ZPR1: variants seen among roughly 807,000 people sequenced by gnomAD.
ZPR1 encodes the protein zinc finger protein ZPR1.
A neutral mutation model predicts 59.6 loss-of-function variants in ZPR1; 37 were observed. That is an observed-to-expected ratio of 0.62 (90% CI 0.48 to 0.82). The LOEUF (loss-of-function observed/expected upper bound fraction) is 0.82. ZPR1 is among the 40% of genes least tolerant of loss of function. The pLI, the probability that ZPR1 is intolerant of heterozygous loss-of-function variation, is 0.00. For missense variants in ZPR1, 527 were observed against 579.9 expected (o/e 0.91, Z 0.94); for synonymous variants, 191 against 215.2 (o/e 0.89, Z 0.99).
chr11:116,787,731 G>C, intron 1 of ZPR1, 88 bp from the exon 2 acceptor site: 1 of 1,529,012 alleles, frequency 6.5e-7, no homozygotes, highest in Non-Finnish European at 8.8e-7. Context: ...CGGGGTCCCC[G>C]GCCGGGCCCA....
intron 11 of ZPR1, among the ~76,000 whole-genome samples, chr11:116,782,604 A>G (rs542944714): frequency 4.7e-4 from 71 of 152,182 alleles, no homozygotes; most frequent in Non-Finnish European, 7.9e-4. Context: ...CAACCCATAC[A>G]TGTATGTTTT....
chr11:116,779,621 C>G, intron 13 of ZPR1, 151 bp downstream of exon 13: 1 of 532,940 alleles, frequency 1.9e-6, no homozygotes, highest in South Asian at 3.6e-5. Flanking sequence ...ACACCCCCCT[C>G]TTTTCTCCCT....
intron 2 of ZPR1, 54 bp downstream of exon 2, chr11:116,787,428 C>T: frequency 6.3e-7 from 1 of 1,576,060 alleles, no homozygotes. Context: ...GCTCTGACCC[C>T]AGTACCGAAT....
intron 4 of ZPR1, 136 bp downstream of exon 4, chr11:116,786,375 A>T (rs1003802141): frequency 1.3e-5 from 11 of 873,880 alleles, no homozygotes; most frequent in Admixed American, 9.0e-5. Context: ...CATATGCAAC[A>T]TTCTAGCAGC....
chr11:116,787,099 G>A, intron 2 of ZPR1, 40 bp from the exon 3 acceptor site: 1 of 1,544,840 alleles, frequency 6.5e-7, no homozygotes, highest in Non-Finnish European at 9.0e-7. Context: ...AGAGACTGCA[G>A]AACAGCTTCT....
intron 12 of ZPR1, among the ~76,000 whole-genome samples, chr11:116,780,554 T>G (rs1456364587): frequency 6.6e-6 from 1 of 151,862 alleles, no homozygotes; most frequent in East Asian, 2.0e-4. Flanking sequence ...TCCTTTCCCC[T>G]CTACTTTCAG....
Position 116,784,955 on chromosome 11 carries a change from T to C in ZPR1, c.754-34A>G, listed in dbSNP as rs1387286274. 3.1e-6 allele frequency: 5 copies of C among 1,613,178 alleles called. No homozygotes were observed. The Admixed American group carries it at 8.3e-5, about 27-fold the overall frequency. On this transcript the variant is annotated intron_variant, in intron 7 of 13. Coordinates refer to ENST00000227322, the MANE Select transcript of ZPR1 (RefSeq NM_003904.5). ...CAACATGAGGACAAAGGGTGAGCCC[T>C]CCCAGATGGGATGTTCAGGCTAAAG...
At chr11:116,786,676 T>C in intron 3 of ZPR1, 95 bp from the exon 4 acceptor site, 2 of 1,079,030 alleles carry the variant, frequency 1.9e-6, no homozygotes, top group Non-Finnish European at 2.8e-6. Flanking sequence ...ACTCTCTGGG[T>C]CTTAATTTCC....
chr11:116,783,527 T>TA lies in ZPR1; in HGVS notation c.981+2dup. Reference sequence around the variant, plus strand: ...ACAGTGACTTTCCCAAGCAGACTGTTACCTTGAGGAGGTCTCTGGTCATAT... The same window carrying TA: ...ACAGTGACTTTCCCAAGCAGACTGTTAACCTTGAGGAGGTCTCTGGTCATAT... On this transcript the variant is annotated splice_region_variant and intron_variant, in intron 10 of 13. Transcript: ENST00000227322. 1 of 1,613,142 alleles carries TA rather than the reference T, an allele frequency of 6.2e-7. No individual in the cohort carries two copies. The highest frequency in any genetic ancestry group is 1.1e-5 in the South Asian group (1 of 91,058).
chr11:116,782,304 C>G (rs1940819913), intron 11 of ZPR1, 60 bp from the exon 12 acceptor site: 5 of 1,479,788 alleles, frequency 3.4e-6, no homozygotes, highest in Non-Finnish European at 4.7e-6. Context: ...TAGGCCTGAC[C>G]ATAAACTAGG....
In ZPR1 at chr11:116,779,011, T is replaced by G; in HGVS notation, c.1294A>C (p.Lys432Gln). 6.2e-7 allele frequency: 1 copy of G among 1,614,226 alleles called. No individual in the cohort carries two copies. Residue 432 changes from lysine (K) to glutamine (Q), a missense_variant, in exon 14 of 14, where the codon AAG becomes CAG. By Grantham distance (53) the Lys-to-Gln change is moderately conservative. Transcript: ENST00000227322. The part of the protein sequence containing the change: ...DDPEMKVERY[K>Q]RTFDQNEELG... Reference sequence around the variant, plus strand: ...TCCTCATTTTGGTCAAAGGTGCGCTTGTAACGCTCCACCTTCATCTCAGGA... The same window carrying G: ...TCCTCATTTTGGTCAAAGGTGCGCTGGTAACGCTCCACCTTCATCTCAGGA...
intron 9 of ZPR1, among the ~76,000 whole-genome samples, chr11:116,783,860 TA>T (rs11355367): frequency 0.16 from 19,619 of 126,372 alleles, 1,292 homozygotes; most frequent in Admixed American, 0.2. Flanking sequence ...GAATTTACCT[TA>T]AAAAAAAAAA....
chr11:116,781,585 C>T (rs4417316), intron 12 of ZPR1, among the ~76,000 whole-genome samples: 14,265 of 152,220 alleles, frequency 0.094, 952 homozygotes, highest in South Asian at 0.26. Context: ...AGTGTGATAA[C>T]AGAATAAAGA....
At chr11:116,781,387 G>A (rs1209138108) in intron 12 of ZPR1, among the ~76,000 whole-genome samples, 3 of 152,104 alleles carry the variant, frequency 2.0e-5, no homozygotes, top group Non-Finnish European at 4.4e-5. Flanking sequence ...CAAAGGAAAC[G>A]AAGAGATCAC....
At chr11:116,780,009 C>G (rs555391637) in intron 12 of ZPR1, among the ~76,000 whole-genome samples, 172 bp from the exon 13 acceptor site, 36 of 151,296 alleles carry the variant, frequency 2.4e-4, no homozygotes, top group African/African-American at 7.8e-4. Flanking sequence ...CAAACCTGCA[C>G]GTTGTGCACA....
chr11:116,786,948 A>G, intron 3 of ZPR1, 21 bp downstream of exon 3: 3 of 1,603,214 alleles, frequency 1.9e-6, no homozygotes, highest in Middle Eastern at 1.7e-4. Context: ...AACAGCCCAA[A>G]TACTCTGATC....
Position 116,784,866 on chromosome 11 carries a change from A to G in ZPR1, c.809T>C (p.Met270Thr). 1 of 1,614,218 alleles carries G rather than the reference A, an allele frequency of 6.2e-7. No individual in the cohort carries two copies. Among genetic ancestry groups the G allele is most frequent in the Non-Finnish European group, 8.5e-7 (1 of 1,180,040 alleles). ...TTGGCAAAAGATACGTACTAGCTTCATGTTGGTCTGAGCGGGGGCATTGCA... is the reference window on the plus strand; with the variant it reads ...TTGGCAAAAGATACGTACTAGCTTCGTGTTGGTCTGAGCGGGGGCATTGCA... ...PECNAPAQTN[M>T]KLVQIPHFKE... Residue 270 changes from methionine (M) to threonine (T), a missense_variant, in exon 8 of 14, where the codon ATG becomes ACG. Transcript: ENST00000227322.
At chr11:116,781,091 G>C (rs1940797363) in intron 12 of ZPR1, among the ~76,000 whole-genome samples, 1 of 151,674 alleles carries the variant, frequency 6.6e-6, no homozygotes, top group Admixed American at 6.6e-5. Flanking sequence ...AAAGTTGAGG[G>C]AATCTCCCAA....
intron 12 of ZPR1, among the ~76,000 whole-genome samples, chr11:116,781,425 G>A (rs1363801670): frequency 6.6e-6 from 1 of 152,166 alleles, no homozygotes; most frequent in Non-Finnish European, 1.5e-5. Flanking sequence ...AAAAGACCAG[G>A]AATCAAATGG....
Sources: gnomAD v4.1 joint callset for allele counts (sites outside exome capture counted in the v4.1 genomes callset) on GRCh38, gnomAD v4.1.1 for gene constraint, MANE v1.5 for transcripts, NCBI Gene and HGNC (gene_info 2026-07-23, HGNC 2026-07-21) for gene names.